PAG1: variants seen among roughly 807,000 people sequenced by gnomAD.
PAG1 encodes the protein phosphoprotein associated with glycosphingolipid-enriched microdomains 1.
Under a neutral mutation model 31.7 loss-of-function variants are expected in PAG1, and 23 were observed. That is an observed-to-expected ratio of 0.73 (90% CI 0.52 to 1.03). PAG1 has a LOEUF of 1.03. Ranked by LOEUF, PAG1 falls within the 50% of genes least tolerant of loss-of-function variation. PAG1 has a pLI of 0.00. For missense variants in PAG1, 473 were observed against 540.7 expected (o/e 0.87, Z 1.24); for synonymous variants, 214 against 210.3 (o/e 1.02, Z -0.15).
At chr8:81,052,398 T>C (rs774145530) in intron 2 of PAG1, among the ~76,000 whole-genome samples, 1 of 152,186 alleles carries the variant, frequency 6.6e-6, no homozygotes, top group African/African-American at 2.4e-5. Context: ...ATGAGGCTAG[T>C]TGACAAAAAC....
chr8:80,993,427 G>T, intron 3 of PAG1, 120 bp from the exon 4 acceptor site: 1 of 528,994 alleles, frequency 1.9e-6, no homozygotes. Flanking sequence ...GCTGGATGCT[G>T]AGGAGAGCCC....
At chr8:81,110,118 A>C (rs899757982) in intron 1 of PAG1, among the ~76,000 whole-genome samples, 4 of 152,198 alleles carry the variant, frequency 2.6e-5, no homozygotes, top group Non-Finnish European at 4.4e-5. Flanking sequence ...CTGCATGCTG[A>C]AATACCATAA....
chr8:81,046,076 G>A (rs190284165), intron 2 of PAG1, among the ~76,000 whole-genome samples: 1 of 152,262 alleles, frequency 6.6e-6, no homozygotes, highest in Admixed American at 6.5e-5. Context: ...GAGCCGGGAA[G>A]GAACTAAGAC....
At chr8:81,043,543 T>G (rs374371780) in intron 2 of PAG1, among the ~76,000 whole-genome samples, 1 of 152,190 alleles carries the variant, frequency 6.6e-6, no homozygotes, top group East Asian at 1.9e-4. Context: ...CTCATTCCTT[T>G]GAGTAACTAT....
At chr8:81,057,860 T>C (rs554494690) in intron 2 of PAG1, among the ~76,000 whole-genome samples, 124 of 152,366 alleles carry the variant, frequency 8.1e-4, no homozygotes, top group Middle Eastern at 3.4e-3. Flanking sequence ...TTAATGACTT[T>C]TCTTGTACTT....
At chr8:81,070,761 C>T (rs376646811) in intron 1 of PAG1, among the ~76,000 whole-genome samples, 32 of 151,872 alleles carry the variant, frequency 2.1e-4, no homozygotes, top group African/African-American at 5.8e-4. Context: ...TTTTTGTTAA[C>T]ATGGCTTCTT....
intron 3 of PAG1, among the ~76,000 whole-genome samples, chr8:81,007,020 C>G (rs933897672): frequency 6.6e-6 from 1 of 152,118 alleles, no homozygotes; most frequent in Admixed American, 6.6e-5. Context: ...ACAATGAGAA[C>G]AAATATCACA....
chr8:81,059,073 T>G (rs1282851772), intron 2 of PAG1, among the ~76,000 whole-genome samples: 1 of 152,040 alleles, frequency 6.6e-6, no homozygotes, highest in East Asian at 1.9e-4. Flanking sequence ...CCCAGACACT[T>G]AAGTATATAT....
At chr8:80,997,182 G>GT (rs1319199870) in intron 3 of PAG1, among the ~76,000 whole-genome samples, 1 of 152,178 alleles carries the variant, frequency 6.6e-6, no homozygotes, top group Non-Finnish European at 1.5e-5. Context: ...CATCCCCTAT[G>GT]TTTTTTTCAT....
At chr8:81,072,879 G>T (rs951175269) in intron 1 of PAG1, among the ~76,000 whole-genome samples, 1 of 152,116 alleles carries the variant, frequency 6.6e-6, no homozygotes, top group Non-Finnish European at 1.5e-5. Flanking sequence ...CATCCAATAC[G>T]CACAAAACAC....
chr8:81,025,758 T>C lies in PAG1; in HGVS notation c.-81+4238A>G, dbSNP rs552355220. Among the ~76,000 whole-genome samples, 9 of 152,306 alleles carry C rather than the reference T, an allele frequency of 5.9e-5. No homozygotes were observed. In the South Asian group the frequency reaches 1.7e-3, roughly 28 times the overall value. Reference sequence around the variant, plus strand: ...GAGGTGCCTGGAATCCTGTTTACCATGTAACAGGGATTAGTCCGCACCCAC... The same window carrying C: ...GAGGTGCCTGGAATCCTGTTTACCACGTAACAGGGATTAGTCCGCACCCAC... On this transcript the variant is annotated intron_variant, in intron 3 of 8. Coordinates refer to ENST00000220597, the MANE Select transcript of PAG1 (RefSeq NM_018440.4).
At chr8:81,038,771 G>A (rs375808286) in intron 2 of PAG1, among the ~76,000 whole-genome samples, 5 of 152,118 alleles carry the variant, frequency 3.3e-5, no homozygotes, top group South Asian at 2.1e-4. Flanking sequence ...TAATGTGCCC[G>A]TGTGTACACT....
chr8:80,991,108 G>A (rs538240711), intron 5 of PAG1, among the ~76,000 whole-genome samples: 65 of 152,266 alleles, frequency 4.3e-4, no homozygotes, highest in Admixed American at 1.0e-3. Context: ...AGAAGCCCCA[G>A]GAGAGGCCTA....
intron 1 of PAG1, among the ~76,000 whole-genome samples, chr8:81,072,205 A>C (rs931448240): frequency 1.3e-5 from 2 of 152,192 alleles, no homozygotes; most frequent in African/African-American, 4.8e-5. Flanking sequence ...AGAGTCAGTG[A>C]ATCCTGGCAC....
chr8:81,078,620 T>G (rs1373295305), intron 1 of PAG1, among the ~76,000 whole-genome samples: 1 of 152,200 alleles, frequency 6.6e-6, no homozygotes, highest in Non-Finnish European at 1.5e-5. Context: ...CTTCCTTATT[T>G]TCCCTAAATT....
chr8:81,076,619 C>G (rs1809182592), intron 1 of PAG1, among the ~76,000 whole-genome samples: 1 of 152,144 alleles, frequency 6.6e-6, no homozygotes, highest in East Asian at 1.9e-4. Context: ...ATCTGCAAAA[C>G]AGAAAGAGAA....
intron 1 of PAG1, among the ~76,000 whole-genome samples, chr8:81,110,370 T>C (rs1214931306): frequency 2.0e-5 from 3 of 152,232 alleles, no homozygotes; most frequent in Non-Finnish European, 2.9e-5. Context: ...CAGTACTGCA[T>C]GGTACTTCAA....
At chr8:81,101,528 G>A (rs1414721786) in intron 1 of PAG1, among the ~76,000 whole-genome samples, 2 of 152,044 alleles carry the variant, frequency 1.3e-5, no homozygotes, top group African/African-American at 2.4e-5. Flanking sequence ...CAATCTGTTC[G>A]TATAAGAGAA....
intron 1 of PAG1, among the ~76,000 whole-genome samples, chr8:81,107,193 T>C (rs1382445099): frequency 2.0e-5 from 3 of 151,912 alleles, no homozygotes; most frequent in Admixed American, 6.6e-5. Context: ...TTTGAGCTCA[T>C]TGCGTGAACT....
Sources: gnomAD v4.1 joint callset for allele counts (sites outside exome capture counted in the v4.1 genomes callset) on GRCh38, gnomAD v4.1.1 for gene constraint, MANE v1.5 for transcripts, NCBI Gene and HGNC (gene_info 2026-07-23, HGNC 2026-07-21) for gene names.